SLC24A2: variants seen among roughly 807,000 people sequenced by gnomAD.
SLC24A2 encodes solute carrier family 24 member 2, also known as sodium/potassium/calcium exchanger 2.
SLC24A2 carries 36 observed loss-of-function variants against 62.0 expected under a neutral mutation model. The ratio of observed to expected loss-of-function variants is 0.58; its 90% CI spans 0.44 to 0.77. The LOEUF (loss-of-function observed/expected upper bound fraction) is 0.77, where lower values mean the gene tolerates loss of function less well. SLC24A2 is among the 30% of genes least tolerant of loss of function. SLC24A2 has a pLI of 0.00. For synonymous variants in SLC24A2, 358 were observed against 294.0 expected (o/e 1.22, Z -2.23); for missense variants, 846 against 817.9 (o/e 1.03, Z -0.42).
intron 2 of SLC24A2, among the ~76,000 whole-genome samples, chr9:19,708,644 A>C (rs1163931318): frequency 6.6e-6 from 1 of 152,246 alleles, no homozygotes; most frequent in Non-Finnish European, 1.5e-5. Flanking sequence ...TGACAAAAAC[A>C]AGCAATGGGG....
At chr9:20,115,981 A>T in the SLC24A2 span, among the ~76,000 whole-genome samples, 25 of 152,298 alleles carry the variant, frequency 1.6e-4, no homozygotes, top group Middle Eastern at 3.4e-3. Flanking sequence ...CCAACTCACA[A>T]TGGAAATCTT....
chr9:20,030,400 G>A, the SLC24A2 span, among the ~76,000 whole-genome samples: 19 of 152,142 alleles, frequency 1.2e-4, no homozygotes, highest in African/African-American at 3.9e-4. Context: ...TACGGTAACC[G>A]AGCTCCTCCT....
chr9:20,080,706 G>C, the SLC24A2 span, among the ~76,000 whole-genome samples: 1 of 152,100 alleles, frequency 6.6e-6, no homozygotes, highest in Non-Finnish European at 1.5e-5. Flanking sequence ...CAGAATGGGA[G>C]AAAATTTTTG....
At chr9:19,875,119 G>C in the SLC24A2 span, among the ~76,000 whole-genome samples, 1 of 151,538 alleles carries the variant, frequency 6.6e-6, no homozygotes, top group Admixed American at 6.6e-5. Flanking sequence ...ATGGGCAAAA[G>C]TATTACTGAG....
the SLC24A2 span, among the ~76,000 whole-genome samples, chr9:19,831,160 T>C: frequency 4.6e-5 from 7 of 152,206 alleles, no homozygotes; most frequent in East Asian, 5.8e-4. Flanking sequence ...CTTGATACTA[T>C]TGCATTGGGG....
At chr9:19,690,863 G>C (rs1820023633) in intron 2 of SLC24A2, among the ~76,000 whole-genome samples, 1 of 152,044 alleles carries the variant, frequency 6.6e-6, no homozygotes, top group Admixed American at 6.6e-5. Flanking sequence ...TGGAAAAGTG[G>C]ATCAGCTGGA....
At chr9:19,965,835 G>A in the SLC24A2 span, among the ~76,000 whole-genome samples, 3 of 152,122 alleles carry the variant, frequency 2.0e-5, no homozygotes, top group African/African-American at 7.2e-5. Flanking sequence ...CCTTACTTGG[G>A]CTTTCCTCTG....
chr9:20,198,147 G>A, the SLC24A2 span, among the ~76,000 whole-genome samples: 3 of 152,230 alleles, frequency 2.0e-5, no homozygotes, highest in Non-Finnish European at 4.4e-5. Flanking sequence ...GAGAGAGCTT[G>A]GAGCACACAG....
intron 4 of SLC24A2, among the ~76,000 whole-genome samples, chr9:19,618,072 A>G (rs145151638): frequency 1.3e-5 from 2 of 152,350 alleles, no homozygotes; most frequent in African/African-American, 2.4e-5. Flanking sequence ...ATTGTGAAGC[A>G]TAAGTTTACA....
the SLC24A2 span, among the ~76,000 whole-genome samples, chr9:20,007,923 C>G: frequency 1.0e-5 from 1 of 98,344 alleles, no homozygotes; most frequent in African/African-American, 4.3e-5. Context: ...TTTGACAGAG[C>G]CTCACTCTGT....
chr9:19,525,765 G>GTTTTTTTT (rs71496823), intron 9 of SLC24A2, among the ~76,000 whole-genome samples: 1 of 99,132 alleles, frequency 1.0e-5, no homozygotes, highest in East Asian at 3.1e-4. Context: ...ACATGCTACT[G>GTTTTTTTT]TTTTTTTTTT....
the SLC24A2 span, among the ~76,000 whole-genome samples, chr9:19,866,531 G>A: frequency 6.6e-6 from 1 of 151,548 alleles, no homozygotes; most frequent in Non-Finnish European, 1.5e-5. Context: ...AAAATATAGC[G>A]AGATTCAGTC....
chr9:19,928,524 C>T, the SLC24A2 span: 1 of 152,198 alleles, frequency 6.6e-6, no homozygotes, highest in Admixed American at 6.5e-5. Context: ...TTGCTCCCTG[C>T]TCACTCTTCA....
chr9:20,101,976 T>C, the SLC24A2 span, among the ~76,000 whole-genome samples: 1 of 152,146 alleles, frequency 6.6e-6, no homozygotes, highest in African/African-American at 2.4e-5. Context: ...TCTCTTTCAG[T>C]GTTCCTAGGA....
chr9:19,570,785 CTT>C (rs1346917039), intron 7 of SLC24A2, among the ~76,000 whole-genome samples: 1 of 152,224 alleles, frequency 6.6e-6, no homozygotes, highest in Non-Finnish European at 1.5e-5. Context: ...AGCTAGGTAA[CTT>C]GACCCTGGTG....
At chr9:20,103,398 A>G in the SLC24A2 span, among the ~76,000 whole-genome samples, 1 of 152,206 alleles carries the variant, frequency 6.6e-6, no homozygotes. Context: ...TGCCTCCTCA[A>G]GTGGGTCCCT....
chr9:19,932,074 C>G, the SLC24A2 span, among the ~76,000 whole-genome samples: 1 of 152,030 alleles, frequency 6.6e-6, no homozygotes, highest in South Asian at 2.1e-4. Flanking sequence ...ACAATACGGT[C>G]CCATTAAACA....
At chr9:20,062,878 A>C in the SLC24A2 span, among the ~76,000 whole-genome samples, 1 of 122,210 alleles carries the variant, frequency 8.2e-6, no homozygotes, top group African/African-American at 3.4e-5. Flanking sequence ...GCAGCCAAAA[A>C]ACACATGAAA....
the SLC24A2 span, among the ~76,000 whole-genome samples, chr9:19,918,140 ATGTGTGTG>A: frequency 4.1e-4 from 60 of 148,034 alleles, 1 homozygote; most frequent in Middle Eastern, 3.5e-3. Flanking sequence ...AACTGACATT[ATGTGTGTG>A]TGTGTGTGTG....
Sources: allele counts gnomAD v4.1 joint callset (sites outside exome capture counted in the v4.1 genomes callset), GRCh38; gene constraint gnomAD v4.1.1; transcripts MANE v1.5; gene names NCBI Gene and HGNC (gene_info 2026-07-23, HGNC 2026-07-21).